The following ADGRL3 variants were observed in gnomAD, a reference collection of about 807,000 sequenced individuals.
The protein encoded by ADGRL3 is adhesion G protein-coupled receptor L3, also known as calcium-independent alpha-latrotoxin receptor 3.
Under a neutral mutation model 153.5 loss-of-function variants are expected in ADGRL3, and 62 were observed. That is an observed-to-expected ratio of 0.40 (90% CI 0.33 to 0.50). The LOEUF is 0.50. Among genes scored for constraint, ADGRL3 ranks in the 20% least tolerant of loss-of-function variants. The pLI is 0.47. For synonymous variants in ADGRL3, 710 were observed against 672.5 expected, an observed-to-expected ratio of 1.06 and a Z score of -0.86; for missense variants, 1,641 against 1,859.4, an observed-to-expected ratio of 0.88 and a Z score of 2.16.
intron 17 of ADGRL3, among the ~76,000 whole-genome samples, chr4:61,957,344 G>T (rs2098971093): frequency 6.6e-6 from 1 of 151,886 alleles, no homozygotes; most frequent in Admixed American, 6.6e-5. Flanking sequence ...CTTGTCTATT[G>T]TTGGCATAAA....
In ADGRL3 at chr4:61,701,430, A is replaced by ATTTTTT. The variant is rs71664995; in HGVS notation, c.583+24512_583+24517dup. Among the ~76,000 whole-genome samples the ATTTTTT allele has an allele frequency of 3.1e-4, 33 of 105,406 alleles. 1 individual carries two copies. The highest frequency in any genetic ancestry group is 7.3e-4 in the African/African-American group (19 of 26,048). The allele number at this position is 105,406 out of a possible 152,430, so 69.2% of individuals were successfully genotyped here. ...ATATCAGAAGCACATTAAAGGTACA[A>ATTTTTT]TTTTTTTTTTTTTTTTTTTTTTGAG... On this transcript the variant is annotated intron_variant, in intron 6 of 26. Transcript: ENST00000683033.
At chr4:61,952,871 T>C (rs1358664299) in intron 17 of ADGRL3, among the ~76,000 whole-genome samples, 10 of 152,182 alleles carry the variant, frequency 6.6e-5, no homozygotes, top group Non-Finnish European at 1.2e-4. Context: ...CCGCAATCCA[T>C]TGTATAACAG....
intron 1 of ADGRL3, among the ~76,000 whole-genome samples, chr4:61,357,766 A>G (rs1375536525): frequency 6.6e-6 from 1 of 152,160 alleles, no homozygotes; most frequent in East Asian, 1.9e-4. Flanking sequence ...ATCTGTTTGG[A>G]AAAAGAAAAA....
At chr4:61,442,350 A>G (rs969276221) in intron 2 of ADGRL3, among the ~76,000 whole-genome samples, 3 of 152,206 alleles carry the variant, frequency 2.0e-5, no homozygotes, top group African/African-American at 7.2e-5. Context: ...TGGCTAGAGA[A>G]TCAGATACGT....
intron 5 of ADGRL3, among the ~76,000 whole-genome samples, chr4:61,657,413 A>G (rs2094471298): frequency 6.6e-6 from 1 of 151,760 alleles, no homozygotes; most frequent in Non-Finnish European, 1.5e-5. Flanking sequence ...CCTTAGGTAA[A>G]TAAATGTTTA....
chr4:61,452,971 T>A (rs1336257514), intron 2 of ADGRL3, among the ~76,000 whole-genome samples: 1 of 152,136 alleles, frequency 6.6e-6, no homozygotes, highest in Non-Finnish European at 1.5e-5. Context: ...GGCACAGAGA[T>A]CCATGCATAG....
intron 1 of ADGRL3, among the ~76,000 whole-genome samples, chr4:61,360,063 C>A (rs1026841432): frequency 5.3e-5 from 8 of 152,156 alleles, no homozygotes; most frequent in African/African-American, 7.2e-5. Flanking sequence ...TCTACTGCTA[C>A]ACTCCTATTA....
chr4:61,807,067 CT>C (rs2097560349), intron 8 of ADGRL3, among the ~76,000 whole-genome samples: 2 of 152,124 alleles, frequency 1.3e-5, no homozygotes, highest in Admixed American at 1.3e-4. Context: ...ATTGGGCTTC[CT>C]TTCCTTTAGC....
At chr4:61,592,990 T>A (rs557721196) in intron 5 of ADGRL3, among the ~76,000 whole-genome samples, 1 of 152,142 alleles carries the variant, frequency 6.6e-6, no homozygotes. Flanking sequence ...TCTTGCTTTT[T>A]CTTTTCTGTG....
chr4:61,261,244 C>T (rs1379561907), intron 1 of ADGRL3, among the ~76,000 whole-genome samples: 2 of 141,612 alleles, frequency 1.4e-5, no homozygotes, highest in Non-Finnish European at 3.0e-5. Flanking sequence ...GTTCCCCAGG[C>T]TGGTTTCAAA....
At chr4:61,763,440 C>G (rs1296847976) in intron 8 of ADGRL3, among the ~76,000 whole-genome samples, 1 of 151,870 alleles carries the variant, frequency 6.6e-6, no homozygotes, top group Non-Finnish European at 1.5e-5. Context: ...TGCCTCAGCC[C>G]TCAAAGTAAG....
chr4:61,216,388 A>G (rs1165751938), intron 1 of ADGRL3, among the ~76,000 whole-genome samples: 1 of 152,098 alleles, frequency 6.6e-6, no homozygotes, highest in African/African-American at 2.4e-5. Flanking sequence ...TGTTTATATT[A>G]AATACTTTTG....
At chr4:61,677,959 C>T (rs541871788) in intron 6 of ADGRL3, among the ~76,000 whole-genome samples, 3 of 151,894 alleles carry the variant, frequency 2.0e-5, no homozygotes, top group Non-Finnish European at 4.4e-5. Flanking sequence ...GAGAAAATTT[C>T]GTTCAGCTTC....
chr4:61,844,165 T>C (rs1487120243), intron 9 of ADGRL3, among the ~76,000 whole-genome samples: 1 of 152,122 alleles, frequency 6.6e-6, no homozygotes, highest in Non-Finnish European at 1.5e-5. Flanking sequence ...TTTTTCTTTC[T>C]ATACTGGTCT....
At chr4:61,376,509 C>T (rs896514364) in intron 1 of ADGRL3, among the ~76,000 whole-genome samples, 1 of 152,036 alleles carries the variant, frequency 6.6e-6, no homozygotes, top group Non-Finnish European at 1.5e-5. Flanking sequence ...GGGTTACAGA[C>T]ATGGGCTGCT....
intron 8 of ADGRL3, among the ~76,000 whole-genome samples, chr4:61,792,459 T>G (rs868256549): frequency 6.6e-4 from 99 of 150,060 alleles, no homozygotes; most frequent in African/African-American, 2.4e-3. Flanking sequence ...AGTTCCAAAC[T>G]TTTCCTTTAT....
intron 8 of ADGRL3, among the ~76,000 whole-genome samples, chr4:61,795,147 A>G (rs1249446169): frequency 1.3e-5 from 2 of 152,150 alleles, no homozygotes; most frequent in Non-Finnish European, 2.9e-5. Context: ...AAATTTATGT[A>G]TTTATTTTTT....
chr4:61,442,802 T>C (rs1407559658), intron 2 of ADGRL3, among the ~76,000 whole-genome samples: 1 of 152,108 alleles, frequency 6.6e-6, no homozygotes, highest in Admixed American at 6.5e-5. Flanking sequence ...ATTATGCACC[T>C]TAATAATTTA....
At chr4:61,595,422 C>A (rs2098985062) in intron 5 of ADGRL3, among the ~76,000 whole-genome samples, 1 of 152,032 alleles carries the variant, frequency 6.6e-6, no homozygotes, top group South Asian at 2.1e-4. Flanking sequence ...AGCAGTGGTC[C>A]TTCTTGATCC....
Sources: allele counts gnomAD v4.1 joint callset (sites outside exome capture counted in the v4.1 genomes callset), GRCh38; gene constraint gnomAD v4.1.1; transcripts MANE v1.5; gene names NCBI Gene and HGNC (gene_info 2026-07-23, HGNC 2026-07-21).